DGKB: variants seen among roughly 807,000 people sequenced by gnomAD.
DGKB encodes the protein 90 kDa diacylglycerol kinase.
A neutral mutation model predicts 114.3 loss-of-function variants in DGKB; 67 were observed. That is an observed-to-expected ratio of 0.59 (90% CI 0.48 to 0.72). The LOEUF (loss-of-function observed/expected upper bound fraction) is 0.72. DGKB is among the 30% of genes least tolerant of loss of function. DGKB has a pLI of 0.00. For missense variants in DGKB, 907 were observed against 975.2 expected, an observed-to-expected ratio of 0.93 and a Z score of 0.93; for synonymous variants, 398 against 323.1, an observed-to-expected ratio of 1.23 and a Z score of -2.49.
intron 21 of DGKB, among the ~76,000 whole-genome samples, chr7:14,431,760 G>C (rs765700523): frequency 1.8e-4 from 28 of 151,946 alleles, no homozygotes; most frequent in Non-Finnish European, 3.7e-4. Context: ...TTATAGAACT[G>C]ATACATTCTT....
chr7:14,556,476 T>C (rs1795888473), intron 20 of DGKB, among the ~76,000 whole-genome samples: 1 of 152,144 alleles, frequency 6.6e-6, no homozygotes, highest in Admixed American at 6.5e-5. Context: ...TTTTAAAAAT[T>C]TGTTGACTGA....
chr7:14,865,775 G>A (rs533699944), intron 1 of DGKB, among the ~76,000 whole-genome samples: 16 of 152,172 alleles, frequency 1.1e-4, no homozygotes, highest in East Asian at 5.8e-4. Flanking sequence ...TAATTACTCC[G>A]AAAGCACGTG....
intron 21 of DGKB, among the ~76,000 whole-genome samples, chr7:14,361,599 G>C (rs1815754114): frequency 6.6e-6 from 1 of 151,710 alleles, no homozygotes; most frequent in Non-Finnish European, 1.5e-5. Context: ...TGTCATTTGG[G>C]GATTAATCAT....
intron 1 of DGKB, among the ~76,000 whole-genome samples, chr7:14,866,358 G>C (rs1490333813): frequency 6.6e-6 from 1 of 152,056 alleles, no homozygotes; most frequent in African/African-American, 2.4e-5. Context: ...TCATTTTATA[G>C]AGTAGTTTTA....
At chr7:14,967,048 T>G (rs1477890893) in intron 1 of DGKB, among the ~76,000 whole-genome samples, 1 of 152,198 alleles carries the variant, frequency 6.6e-6, no homozygotes, top group African/African-American at 2.4e-5. Flanking sequence ...TTATTTGAAA[T>G]GAACCAATTT....
chr7:14,795,377 C>T (rs1269249460), intron 2 of DGKB, among the ~76,000 whole-genome samples: 1 of 152,192 alleles, frequency 6.6e-6, no homozygotes, highest in East Asian at 1.9e-4. Context: ...GTTGAAAATA[C>T]TTGGCATGCC....
At chr7:14,656,443 T>G (rs1356136760) in intron 13 of DGKB, among the ~76,000 whole-genome samples, 1 of 151,546 alleles carries the variant, frequency 6.6e-6, no homozygotes, top group Non-Finnish European at 1.5e-5. Context: ...CATTTTAAAT[T>G]AATATAGGAA....
intron 16 of DGKB, among the ~76,000 whole-genome samples, chr7:14,610,684 T>A (rs1455991940): frequency 6.6e-6 from 1 of 152,048 alleles, no homozygotes; most frequent in Admixed American, 6.6e-5. Context: ...TACCCTCTTT[T>A]CCCTGGCACC....
chr7:14,327,775 C>T (rs1809004594), intron 23 of DGKB, among the ~76,000 whole-genome samples: 2 of 151,976 alleles, frequency 1.3e-5, no homozygotes, highest in African/African-American at 4.8e-5. Flanking sequence ...GACAACAATA[C>T]CGAGGACATT....
At chr7:14,391,528 A>T (rs1260704420) in intron 21 of DGKB, among the ~76,000 whole-genome samples, 4 of 152,084 alleles carry the variant, frequency 2.6e-5, no homozygotes, top group East Asian at 3.9e-4. Flanking sequence ...AAATAAAAAA[A>T]AAAAAAGGAA....
intron 13 of DGKB, among the ~76,000 whole-genome samples, chr7:14,663,650 C>T (rs1312904199): frequency 7.0e-6 from 1 of 142,898 alleles, no homozygotes; most frequent in African/African-American, 2.6e-5. Context: ...TCCTTCCTTC[C>T]CTCCTTCCCT....
At chr7:14,356,561 T>C (rs1814570332) in intron 21 of DGKB, among the ~76,000 whole-genome samples, 1 of 151,698 alleles carries the variant, frequency 6.6e-6, no homozygotes, top group Non-Finnish European at 1.5e-5. Flanking sequence ...TGGGTTTCAT[T>C]GTGTTAGCCA....
intron 1 of DGKB, among the ~76,000 whole-genome samples, chr7:14,970,558 T>C (rs2115304649): frequency 6.6e-6 from 1 of 151,350 alleles, no homozygotes; most frequent in Admixed American, 6.6e-5. Context: ...AATGAAGGAA[T>C]AAATAAATAA....
At chr7:14,257,945 C>T (rs550661832) in intron 23 of DGKB, among the ~76,000 whole-genome samples, 18 of 152,248 alleles carry the variant, frequency 1.2e-4, no homozygotes, top group African/African-American at 4.1e-4. Flanking sequence ...CTAGGCTGGT[C>T]CTGAACTCCT....
rs565749196 is a variant in DGKB, at chr7:14,664,425, T to G, written c.1134+8504A>C. 2.6e-5 allele frequency among the ~76,000 whole-genome samples: 4 copies of G among 152,094 alleles called. No individual in the cohort carries two copies. In the South Asian group the frequency reaches 8.3e-4, roughly 32 times the overall value. On this transcript the variant is annotated intron_variant, in intron 13 of 25. Transcript: ENST00000402815. ...CACACTGCTAGCAAAGCTGTCTTTCTACAACACAAAGTTAATCATTTAAGC... is the reference window on the plus strand; with the variant it reads ...CACACTGCTAGCAAAGCTGTCTTTCGACAACACAAAGTTAATCATTTAAGC...
At chr7:14,723,740 T>C (rs1268516073) in intron 5 of DGKB, among the ~76,000 whole-genome samples, 5 of 152,202 alleles carry the variant, frequency 3.3e-5, no homozygotes, top group Non-Finnish European at 7.3e-5. Context: ...TCATTATATA[T>C]ACACATACAT....
chr7:14,933,256 C>A (rs959592974), intron 1 of DGKB, among the ~76,000 whole-genome samples: 1 of 152,176 alleles, frequency 6.6e-6, no homozygotes, highest in African/African-American at 2.4e-5. Context: ...ACAGAACATA[C>A]TTAAACTTTT....
At chr7:14,580,781 GTTTCT>G (rs1169885584) in intron 19 of DGKB, 76 bp downstream of exon 19, 31 of 977,090 alleles carry the variant, frequency 3.2e-5, no homozygotes, top group Non-Finnish European at 3.7e-5. Context: ...TATCGTTTTT[GTTTCT>G]TTTCTTTTCT....
intron 23 of DGKB, among the ~76,000 whole-genome samples, chr7:14,310,920 A>G (rs1232383623): frequency 5.3e-5 from 8 of 152,048 alleles, no homozygotes; most frequent in Admixed American, 5.2e-4. Context: ...TTTGAGACCA[A>G]GAGTTTGAGA....
Sources: allele counts gnomAD v4.1 joint callset (sites outside exome capture counted in the v4.1 genomes callset), GRCh38; gene constraint gnomAD v4.1.1; transcripts MANE v1.5; gene names NCBI Gene and HGNC (gene_info 2026-07-23, HGNC 2026-07-21).